MBTPS2: variants seen among roughly 807,000 people sequenced by gnomAD.
MBTPS2 encodes membrane-bound transcription factor site-2 protease.
In MBTPS2, 2 loss-of-function variants were observed where a neutral mutation model predicts 35.4. The observed-to-expected ratio is 0.06, with a 90% CI of 0.02 to 0.18. The LOEUF (loss-of-function observed/expected upper bound fraction) is 0.18. Among genes scored for constraint, MBTPS2 ranks in the 10% least tolerant of loss-of-function variants. The pLI is 1.00. For synonymous variants in MBTPS2, 125 were observed against 140.4 expected, an observed-to-expected ratio of 0.89 and a Z score of 0.77; for missense variants, 244 against 386.5, an observed-to-expected ratio of 0.63 and a Z score of 3.09.
At chrX:21,861,742 T>A (rs953546259) in intron 5 of MBTPS2, among the ~76,000 whole-genome samples, 7 of 110,596 alleles carry the variant, frequency 6.3e-5, no homozygotes, top group African/African-American at 2.3e-4. Context: ...CAAAATATAG[T>A]ATAATAATTT....
chrX:21,885,202 A>G lies in MBTPS2; in HGVS notation c.*2547A>G, dbSNP rs754892737. ...CAGGTCATTGTCTGTTCTAACAGCAAATTGTAAACATGTGCTTCATAGATA... is the reference window on the plus strand; with the variant it reads ...CAGGTCATTGTCTGTTCTAACAGCAGATTGTAAACATGTGCTTCATAGATA... On this transcript the variant is annotated 3_prime_UTR_variant, in exon 11 of 11. Transcript: ENST00000379484. The G allele has an allele frequency of 2.7e-6, 2 of 751,159 alleles. No individual in the cohort carries two copies. The highest frequency in any genetic ancestry group is 1.5e-4 in the East Asian group (1 of 6,592). The allele number at this position is 751,159 out of a possible 1,213,427, so 61.9% of individuals were successfully genotyped here.
intron 2 of MBTPS2, among the ~76,000 whole-genome samples, chrX:21,843,828 A>G (rs201895743): frequency 2.1e-4 from 23 of 111,470 alleles, no homozygotes; most frequent in African/African-American, 6.8e-4. Flanking sequence ...TGAAAATATT[A>G]ATTGGGCCGG....
At chrX:21,840,093 T>C (rs778152100) in intron 1 of MBTPS2, among the ~76,000 whole-genome samples, 7 of 112,248 alleles carry the variant, frequency 6.2e-5, no homozygotes, top group Non-Finnish European at 1.1e-4. Flanking sequence ...GCCGGGGCCC[T>C]GCCAGACCCA....
intron 6 of MBTPS2, among the ~76,000 whole-genome samples, chrX:21,869,039 T>C (rs921613516): frequency 2.7e-5 from 3 of 112,605 alleles, no homozygotes; most frequent in South Asian, 7.2e-4. Context: ...CATCAAATCT[T>C]GTATTCAGAC....
At chrX:21,843,427 A>G (rs770304733) in intron 2 of MBTPS2, 109 bp downstream of exon 2, 20 of 775,277 alleles carry the variant, frequency 2.6e-5, no homozygotes, top group Non-Finnish European at 3.9e-5. Context: ...GAGTTTTAAA[A>G]TATTGACAAT....
intron 7 of MBTPS2, among the ~76,000 whole-genome samples, chrX:21,877,208 G>A (rs766453534): frequency 3.0e-4 from 34 of 112,013 alleles, no homozygotes; most frequent in Non-Finnish European, 4.5e-4. Flanking sequence ...TTGGGAGGCC[G>A]AGGTGGGCAG....
chrX:21,865,584 AC>A (rs2092938697), intron 5 of MBTPS2, among the ~76,000 whole-genome samples: 1 of 112,652 alleles, frequency 8.9e-6, no homozygotes, highest in Admixed American at 9.4e-5. Flanking sequence ...AAAGTAAAAA[AC>A]ATTGGTGATA....
Position 21,879,949 on chromosome X carries a change from C to CTTTTTTTTTTTTTTTTTTTTTTTTTTTTT in MBTPS2, c.1262-927_1262-926insTTTTTTTTTTTTTTTTTTTTTTTTTTTTT, listed in dbSNP as rs60769329. ...ATGGATATGTGGGTTTTATGTTATT[C>CTTTTTTTTTTTTTTTTTTTTTTTTTTTTT]TTTTTTTTTTTTTTTTTTTTTGAGA... On this transcript the variant is annotated intron_variant, in intron 9 of 10. Transcript: ENST00000379484. 2.3e-4 allele frequency among the ~76,000 whole-genome samples: 11 copies of CTTTTTTTTTTTTTTTTTTTTTTTTTTTTT among 47,425 alleles called. 2 individuals are homozygous for CTTTTTTTTTTTTTTTTTTTTTTTTTTTTT. The highest frequency in any genetic ancestry group is 9.3e-4 in the African/African-American group (7 of 7,496). 41.2% of individuals were successfully genotyped at this position (47,425 alleles called of 115,157 possible). A position where few individuals can be genotyped will look rare whatever the true frequency, so the allele number is the denominator to read the frequency against.
At chrX:21,864,553 G>A (rs2092937201) in intron 5 of MBTPS2, among the ~76,000 whole-genome samples, 1 of 111,921 alleles carries the variant, frequency 8.9e-6, no homozygotes, top group Non-Finnish European at 1.9e-5. Context: ...CAGGTGTGGT[G>A]ACTCACGCCT....
At position 21,883,425 on chromosome X, in the gene MBTPS2, G is replaced by A; in HGVS notation, c.*770G>A. The A allele has an allele frequency of 1.3e-6, 1 of 754,894 alleles. No homozygotes were observed. The highest frequency in any genetic ancestry group is 1.6e-6 in the Non-Finnish European group (1 of 639,741). 62.2% of individuals were successfully genotyped at this position (754,894 alleles called of 1,213,427 possible). A position where few individuals can be genotyped will look rare whatever the true frequency, so the allele number is the denominator to read the frequency against. On this transcript the variant is annotated 3_prime_UTR_variant, in exon 11 of 11. Coordinates refer to ENST00000379484, the MANE Select transcript of MBTPS2 (RefSeq NM_015884.4). ...AGCAGCATGTGAGCAGAGGGAGGCAGTTGGGGTTGAACTTCGGAACTAGGC... is the reference window on the plus strand; with the variant it reads ...AGCAGCATGTGAGCAGAGGGAGGCAATTGGGGTTGAACTTCGGAACTAGGC...
intron 4 of MBTPS2, among the ~76,000 whole-genome samples, chrX:21,852,818 A>G (rs1055401558): frequency 9.2e-6 from 1 of 109,193 alleles, no homozygotes; most frequent in African/African-American, 3.3e-5. Flanking sequence ...TTTAATATGG[A>G]GATCAAAACC....
At chrX:21,868,040 TAAAAC>T (rs2147447394) in intron 5 of MBTPS2, among the ~76,000 whole-genome samples, 1 of 112,170 alleles carries the variant, frequency 8.9e-6, no homozygotes. Flanking sequence ...GTTTAGTTCT[TAAAAC>T]AACCTCCTTT....
intron 5 of MBTPS2, among the ~76,000 whole-genome samples, chrX:21,863,112 TA>T (rs2092935076): frequency 1.1e-5 from 1 of 91,827 alleles, no homozygotes; most frequent in South Asian, 5.3e-4. Flanking sequence ...ACACACACAC[TA>T]AAAAACTAGC....
At chrX:21,877,908 A>G (rs952008320) in intron 7 of MBTPS2, 134 bp from the exon 8 acceptor site, 2 of 469,392 alleles carry the variant, frequency 4.3e-6, no homozygotes, top group African/African-American at 4.9e-5. Context: ...GTAGCCCTCA[A>G]GCTGAACTCT....
Position 21,878,514 on chromosome X carries a change from C to T in MBTPS2, c.1083C>T (p.Ala361=), listed in dbSNP as rs1364152373. The change falls in exon 9 of 11, where the codon GCC becomes GCT. Residue 361 remains alanine, a synonymous_variant. Coordinates refer to ENST00000379484, the MANE Select transcript of MBTPS2 (RefSeq NM_015884.4). Reference sequence around the variant, plus strand: ...ATTTATAGCATACATGTCTTCCTGCCCGGAAAGCAGTTGAAGCAACTCAAG... The same window carrying T: ...ATTTATAGCATACATGTCTTCCTGCTCGGAAAGCAGTTGAAGCAACTCAAG... ...FNKRLHTCLP[A]RKAVEATQVC... 1 of 1,205,366 alleles carries T rather than the reference C, an allele frequency of 8.3e-7. No individual in the cohort carries two copies. The highest frequency in any genetic ancestry group is 3.0e-5 in the East Asian group (1 of 33,781).
chrX:21,853,240 T>C (rs2147434406), intron 4 of MBTPS2, 136 bp from the exon 5 acceptor site: 1 of 411,791 alleles, frequency 2.4e-6, no homozygotes, highest in East Asian at 4.4e-5. Flanking sequence ...ATATAATTTT[T>C]TTGGCTGTTC....
Position 21,880,875 on chromosome X carries a change from A to C in MBTPS2, c.1262-22A>C, listed in dbSNP as rs369696692. 4.9e-6 allele frequency: 5 copies of C among 1,025,388 alleles called. No individual in the cohort carries two copies. In the African/African-American group the frequency reaches 7.4e-5, roughly 15 times the overall value. The allele number at this position is 1,025,388 out of a possible 1,213,427, so 84.5% of individuals were successfully genotyped here. A position where few individuals can be genotyped will look rare whatever the true frequency, so the allele number is the denominator to read the frequency against. On this transcript the variant is annotated intron_variant, in intron 9 of 10. Coordinates refer to ENST00000379484, the MANE Select transcript of MBTPS2 (RefSeq NM_015884.4). ...TTCTCTGGTATGAATAATATTTATT[A>C]TTCCTTATTTTTCTTTTTCAGTGAG...
chrX:21,856,509 A>G, intron 5 of MBTPS2: 1 of 1,209,116 alleles, frequency 8.3e-7, no homozygotes, highest in Non-Finnish European at 1.1e-6. Context: ...AGATTTCTCC[A>G]TCACACAAGA....
intron 5 of MBTPS2, among the ~76,000 whole-genome samples, chrX:21,867,939 G>A (rs916111874): frequency 9.0e-5 from 10 of 111,442 alleles, no homozygotes; most frequent in East Asian, 2.8e-4. Context: ...GTGCCTGGCC[G>A]ACAGTTTTCT....
Sources: allele counts gnomAD v4.1 joint callset (sites outside exome capture counted in the v4.1 genomes callset), GRCh38; gene constraint gnomAD v4.1.1; transcripts MANE v1.5; gene names NCBI Gene and HGNC (gene_info 2026-07-23, HGNC 2026-07-21).